Variants in RAMP1 observed in about 807,000 individuals in gnomAD.
RAMP1 encodes receptor activity modifying protein 1, also known as receptor activity-modifying protein 1.
In RAMP1, 7 loss-of-function variants were observed where a neutral mutation model predicts 8.2. That is an observed-to-expected ratio of 0.85 (90% CI 0.49 to 1.60). The LOEUF (loss-of-function observed/expected upper bound fraction) is 1.60, where lower values mean the gene tolerates loss of function less well. Among genes scored for constraint, RAMP1 ranks in the 40% most tolerant of loss-of-function variants. The pLI is 0.00. For synonymous variants in RAMP1, 92 were observed against 84.7 expected (o/e 1.09, Z -0.47); for missense variants, 192 against 202.4 (o/e 0.95, Z 0.31).
In RAMP1 at chr2:237,865,357, G is replaced by A. The variant is rs1300094710; in HGVS notation, c.52+5630G>A. ...GGAGGGGAGGGCAGGGGAGTAGAGA[G>A]GAGAGTGCAGGGGAGGGGAGATGAC... On this transcript the variant is annotated intron_variant, in intron 1 of 2. Coordinates refer to ENST00000254661, the MANE Select transcript of RAMP1 (RefSeq NM_005855.4). This position sits in a 1 kb window ranked among gnomAD's most constrained non-coding sequence, Gnocchi z 4.2. Among the ~76,000 whole-genome samples the A allele has an allele frequency of 6.8e-6, 1 of 148,092 alleles. No homozygotes were observed. Among genetic ancestry groups the A allele is most frequent in the Non-Finnish European group, 1.5e-5 (1 of 66,794 alleles).
At chr2:237,879,862 C>T (rs1333948918) in intron 2 of RAMP1, among the ~76,000 whole-genome samples, 14 of 150,928 alleles carry the variant, frequency 9.3e-5, no homozygotes, top group African/African-American at 2.7e-4. Flanking sequence ...TGGTAGCACA[C>T]GCCTGTAATC....
chr2:237,867,527 C>T (rs1444411172), intron 1 of RAMP1, among the ~76,000 whole-genome samples: 1 of 151,994 alleles, frequency 6.6e-6, no homozygotes, highest in Admixed American at 6.6e-5. Context: ...CATCTTCTTC[C>T]CGTGTGTAAA....
At chr2:237,874,551 T>C in intron 1 of RAMP1, 1 of 556,412 alleles carries the variant, frequency 1.8e-6, no homozygotes, top group Non-Finnish European at 2.3e-6. Context: ...CAGACATGCC[T>C]GTTCATCTTC....
chr2:237,897,903 A>G (rs2062558913), intron 2 of RAMP1, among the ~76,000 whole-genome samples: 1 of 152,030 alleles, frequency 6.6e-6, no homozygotes, highest in African/African-American at 2.4e-5. Flanking sequence ...AGTTCAAGCC[A>G]TTCTCCTGCC....
chr2:237,886,098 G>A (rs902291333), intron 2 of RAMP1, among the ~76,000 whole-genome samples: 12 of 152,198 alleles, frequency 7.9e-5, no homozygotes, highest in Non-Finnish European at 4.4e-5. Flanking sequence ...CCTGTGGCCT[G>A]CGCAGGCATC....
At chr2:237,892,921 A>G (rs1401112020) in intron 2 of RAMP1, among the ~76,000 whole-genome samples, 1 of 152,100 alleles carries the variant, frequency 6.6e-6, no homozygotes, top group East Asian at 1.9e-4. Flanking sequence ...ATCAGTAATA[A>G]CCCTTGCTCT....
chr2:237,869,223 A>G (rs1003128369), intron 1 of RAMP1, among the ~76,000 whole-genome samples: 5 of 152,180 alleles, frequency 3.3e-5, no homozygotes, highest in African/African-American at 4.8e-5. Flanking sequence ...TCACAGCTGC[A>G]TGGTGACTTC....
intron 1 of RAMP1, among the ~76,000 whole-genome samples, chr2:237,863,823 T>C (rs2062155532): frequency 6.6e-6 from 1 of 151,998 alleles, no homozygotes; most frequent in Non-Finnish European, 1.5e-5. Context: ...CCCTCCCATG[T>C]GCAGTCACAT....
intron 2 of RAMP1, among the ~76,000 whole-genome samples, chr2:237,898,449 C>T (rs1251967982): frequency 1.3e-5 from 2 of 152,166 alleles, no homozygotes; most frequent in African/African-American, 2.4e-5. Flanking sequence ...TTCCCTCACG[C>T]GTGCTGCCAG....
upstream of RAMP1, chr2:237,859,609 G>A (rs926912762): frequency 7.7e-5 from 90 of 1,170,082 alleles, no homozygotes; most frequent in Non-Finnish European, 8.4e-5. Flanking sequence ...CCGGGCCCGC[G>A]CCGCGGCGGG....
intron 2 of RAMP1, among the ~76,000 whole-genome samples, chr2:237,895,398 C>T (rs1424688086): frequency 5.9e-5 from 9 of 152,106 alleles, no homozygotes; most frequent in Admixed American, 5.2e-4. Flanking sequence ...GTGAAAACAC[C>T]GAGGCTCCGT....
At chr2:237,893,921 C>T (rs1019060124) in intron 2 of RAMP1, among the ~76,000 whole-genome samples, 5 of 149,948 alleles carry the variant, frequency 3.3e-5, no homozygotes, top group Non-Finnish European at 7.4e-5. Context: ...GCCTGGGCAA[C>T]AAGCACAAAA....
intron 2 of RAMP1, among the ~76,000 whole-genome samples, chr2:237,909,132 A>G (rs927369318): frequency 2.0e-5 from 3 of 152,104 alleles, no homozygotes; most frequent in Non-Finnish European, 4.4e-5. Flanking sequence ...TGTGGCCTCA[A>G]CCCCCAGTGA....
At chr2:237,910,216 A>G (rs1178889161) in intron 2 of RAMP1, among the ~76,000 whole-genome samples, 1 of 151,940 alleles carries the variant, frequency 6.6e-6, no homozygotes, top group Admixed American at 6.6e-5. Flanking sequence ...ACACCCACAC[A>G]CAGGGACACA....
chr2:237,868,687 C>T (rs1209146791), intron 1 of RAMP1, among the ~76,000 whole-genome samples: 1 of 151,880 alleles, frequency 6.6e-6, no homozygotes, highest in Admixed American at 6.6e-5. Flanking sequence ...GGGAATGAAA[C>T]GTCATCGGTT....
At chr2:237,900,069 T>C (rs1249867113) in intron 2 of RAMP1, among the ~76,000 whole-genome samples, 1 of 152,230 alleles carries the variant, frequency 6.6e-6, no homozygotes, top group African/African-American at 2.4e-5. Flanking sequence ...AGTATCCCAA[T>C]TCACTGAGGA....
At chr2:237,870,885 A>C (rs990696615) in intron 1 of RAMP1, among the ~76,000 whole-genome samples, 1 of 152,210 alleles carries the variant, frequency 6.6e-6, no homozygotes, top group East Asian at 1.9e-4. Context: ...AGAACTGTGC[A>C]CAGCAACCCC....
At chr2:237,892,186 A>G (rs115173158) in intron 2 of RAMP1, among the ~76,000 whole-genome samples, 5 of 151,464 alleles carry the variant, frequency 3.3e-5, no homozygotes, top group African/African-American at 1.2e-4. Flanking sequence ...AGGCACTCCA[A>G]TTTTTGTCTT....
intron 2 of RAMP1, among the ~76,000 whole-genome samples, chr2:237,892,773 T>C (rs1010670536): frequency 1.3e-5 from 2 of 151,636 alleles, no homozygotes; most frequent in African/African-American, 4.9e-5. Flanking sequence ...CATCCTTCTC[T>C]CCCTCCCCCA....
Sources: allele counts gnomAD v4.1 joint callset (sites outside exome capture counted in the v4.1 genomes callset), GRCh38; gene constraint gnomAD v4.1.1; non-coding constraint Gnocchi (gnomAD v3.1); transcripts MANE v1.5; gene names NCBI Gene and HGNC (gene_info 2026-07-23, HGNC 2026-07-21).